Variants in ANKRD26 observed in about 807,000 individuals in gnomAD.
ANKRD26 encodes the protein ankyrin repeat domain-containing protein 26.
In ANKRD26, 141 loss-of-function variants were observed where a neutral mutation model predicts 208.7. The ratio of observed to expected loss-of-function variants is 0.68; its 90% CI spans 0.59 to 0.78. The LOEUF (loss-of-function observed/expected upper bound fraction) is 0.78. ANKRD26 is among the 30% of genes least tolerant of loss of function. The pLI, the probability that ANKRD26 is intolerant of heterozygous loss-of-function variation, is 0.00. For missense variants in ANKRD26, 1,889 were observed against 1,938.7 expected, an observed-to-expected ratio of 0.97 and a Z score of 0.48; for synonymous variants, 636 against 660.4, an observed-to-expected ratio of 0.96 and a Z score of 0.57.
intron 3 of ANKRD26, among the ~76,000 whole-genome samples, chr10:26,985,100 G>A (rs1032753230): frequency 3.3e-5 from 5 of 152,084 alleles, no homozygotes; most frequent in African/African-American, 1.2e-4. Context: ...GGGAAGACAC[G>A]TAGATAGTTA....
At chr10:27,022,537 C>T in intron 29 of ANKRD26, 21 bp downstream of exon 29, 2 of 1,481,552 alleles carry the variant, frequency 1.3e-6, no homozygotes, top group Non-Finnish European at 9.3e-7. Context: ...TTTTTTGGTC[C>T]CAAAACTTAT....
intron 9 of ANKRD26, among the ~76,000 whole-genome samples, chr10:27,070,234 T>C (rs2055431839): frequency 6.6e-6 from 1 of 151,676 alleles, no homozygotes; most frequent in Non-Finnish European, 1.5e-5. Flanking sequence ...ACCCCATCTC[T>C]ACTAAAAATA....
the ANKRD26 span, among the ~76,000 whole-genome samples, chr10:26,948,241 T>G: frequency 1.3e-5 from 2 of 152,228 alleles, no homozygotes; most frequent in Non-Finnish European, 2.9e-5. Context: ...TGACCTTGCC[T>G]TTTAGAAATG....
At chr10:27,016,417 C>T (rs573205694) in intron 30 of ANKRD26, among the ~76,000 whole-genome samples, 6 of 152,270 alleles carry the variant, frequency 3.9e-5, no homozygotes, top group Non-Finnish European at 7.4e-5. Context: ...GGACTACAGG[C>T]ATGTGCCACC....
downstream of ANKRD26, among the ~76,000 whole-genome samples, chr10:26,990,729 T>G (rs144160551): frequency 4.5e-3 from 682 of 152,256 alleles, 28 homozygotes; most frequent in Admixed American, 0.042. Flanking sequence ...AATTTTACAC[T>G]CATAGGCTAC....
At chr10:27,007,378 GCA>G (rs1776276624) in intron 32 of ANKRD26, among the ~76,000 whole-genome samples, 2 of 152,142 alleles carry the variant, frequency 1.3e-5, no homozygotes, top group African/African-American at 4.8e-5. Context: ...TTCTGGTGGG[GCA>G]CAGTGGCTCA....
rs186416694 is a variant in ANKRD26 at position 27,056,995 on chromosome 10, C to T, written c.1564+3350G>A. On this transcript the variant is annotated intron_variant, in intron 15 of 33. Transcript: ENST00000376087. Reference sequence around the variant, plus strand: ...GCTGTTTGTCCCAGTTCTGCGGATGCTGACTGATTTTTGGTCACTGACTGT... The same window carrying T: ...GCTGTTTGTCCCAGTTCTGCGGATGTTGACTGATTTTTGGTCACTGACTGT... Among the ~76,000 whole-genome samples, 40 of 152,216 alleles carry T rather than the reference C, an allele frequency of 2.6e-4. 1 individual carries two copies. In the East Asian group the frequency reaches 6.0e-3, roughly 23 times the overall value.
intron 9 of ANKRD26, among the ~76,000 whole-genome samples, chr10:27,069,180 G>A (rs866617480): frequency 6.2e-4 from 74 of 120,314 alleles, no homozygotes; most frequent in African/African-American, 2.6e-3. Flanking sequence ...GGGCAACAGA[G>A]TGAGACGTCG....
the ANKRD26 span, among the ~76,000 whole-genome samples, chr10:26,964,116 C>A: frequency 6.6e-6 from 1 of 151,588 alleles, no homozygotes; most frequent in East Asian, 1.9e-4. Context: ...ATCATATTGG[C>A]CAGGCTGGTC....
At chr10:27,082,892 T>G in intron 5 of ANKRD26, 59 bp from the exon 6 acceptor site, 1 of 1,537,324 alleles carries the variant, frequency 6.5e-7, no homozygotes, top group Non-Finnish European at 8.8e-7. Flanking sequence ...ATATAAAATT[T>G]AAAGCATAAG....
At chr10:26,989,493 A>G (rs1276584647), downstream of ANKRD26, among the ~76,000 whole-genome samples, 2 of 152,212 alleles carry the variant, frequency 1.3e-5, no homozygotes, top group East Asian at 1.9e-4. Context: ...AAAGATTGAC[A>G]GGGTTCCCAG....
the ANKRD26 span, among the ~76,000 whole-genome samples, chr10:26,962,899 T>C: frequency 2.0e-5 from 3 of 152,292 alleles, no homozygotes; most frequent in South Asian, 6.2e-4. Context: ...ATAGCAATAA[T>C]AACAGCAACA....
chr10:27,085,721 A>AC (rs2056092255), intron 5 of ANKRD26, among the ~76,000 whole-genome samples: 9 of 152,106 alleles, frequency 5.9e-5, no homozygotes, highest in African/African-American at 2.2e-4. Context: ...CTTGAACAAT[A>AC]TAGGTTTGAA....
At chr10:26,989,027 T>G (rs1169706584), downstream of ANKRD26, among the ~76,000 whole-genome samples, 1 of 152,152 alleles carries the variant, frequency 6.6e-6, no homozygotes, top group Non-Finnish European at 1.5e-5. Flanking sequence ...TGAGATAATC[T>G]TCTATGATAG....
chr10:26,980,413 A>G (rs2052289863), intron 5 of ANKRD26, among the ~76,000 whole-genome samples: 2 of 152,184 alleles, frequency 1.3e-5, no homozygotes. Flanking sequence ...CAACATGTGG[A>G]ACAGCTGGTA....
intron 5 of ANKRD26, among the ~76,000 whole-genome samples, chr10:27,083,981 G>C (rs546025570): frequency 1.3e-5 from 2 of 152,322 alleles, no homozygotes; most frequent in Admixed American, 6.5e-5. Flanking sequence ...TTGGGAGGCT[G>C]AGGCGGGCAG....
intron 5 of ANKRD26, among the ~76,000 whole-genome samples, chr10:26,976,695 G>A (rs2052232649): frequency 6.6e-6 from 1 of 152,094 alleles, no homozygotes; most frequent in Admixed American, 6.5e-5. Flanking sequence ...GGTTTCTTAA[G>A]TTTAAGGCTT....
intron 3 of ANKRD26, among the ~76,000 whole-genome samples, chr10:26,985,317 T>A (rs527588186): frequency 9.9e-5 from 15 of 152,250 alleles, no homozygotes; most frequent in African/African-American, 2.4e-4. Flanking sequence ...ACACCAGGAT[T>A]ACATTTTCTC....
chr10:27,035,720 T>C lies in ANKRD26; in HGVS notation c.2730A>G (p.Leu910=). ...NSHSHEEEKD[L]SHKNSMLQEE... ...CCTGCAACATGCTATTTTTATGCGA[T>C]AGGTCTTTTTCTTCTTCATGACTAT... The change falls in exon 24 of 34, where the codon CTA becomes CTG. Residue 910 remains leucine (L), a synonymous_variant. Transcript: ENST00000376087. The C allele has an allele frequency of 6.2e-7, 1 of 1,607,966 alleles. No homozygotes were observed. The highest frequency in any genetic ancestry group is 8.5e-7 in the Non-Finnish European group (1 of 1,177,298).
Sources: gnomAD v4.1 joint callset for allele counts (sites outside exome capture counted in the v4.1 genomes callset) on GRCh38, gnomAD v4.1.1 for gene constraint, MANE v1.5 for transcripts, NCBI Gene and HGNC (gene_info 2026-07-23, HGNC 2026-07-21) for gene names.